Variants in SIDT2 observed in about 807,000 individuals in gnomAD.
SIDT2 encodes the protein SID1 transmembrane family member 2, also known as SID1 transmembrane family, member 2.
SIDT2 carries 68 observed loss-of-function variants against 114.4 expected under a neutral mutation model. That is an observed-to-expected ratio of 0.59 (90% CI 0.49 to 0.73). SIDT2 has a LOEUF of 0.73. Among genes scored for constraint, SIDT2 ranks in the 30% least tolerant of loss-of-function variants. SIDT2 has a pLI of 0.00. For missense variants in SIDT2, 918 were observed against 1,097.1 expected, an observed-to-expected ratio of 0.84 and a Z score of 2.31; for synonymous variants, 470 against 438.4, an observed-to-expected ratio of 1.07 and a Z score of -0.90.
At chr11:117,181,147 C>T (rs1002620556) in intron 1 of SIDT2, among the ~76,000 whole-genome samples, 2 of 152,118 alleles carry the variant, frequency 1.3e-5, no homozygotes, top group East Asian at 1.9e-4. Flanking sequence ...AGGCCTCCAC[C>T]GTGTTTCCTG....
chr11:117,189,931 C>G (rs200458477), intron 15 of SIDT2, 21 bp from the exon 16 acceptor site: 3 of 1,613,362 alleles, frequency 1.9e-6, no homozygotes, highest in African/African-American at 2.7e-5. Context: ...GACCCACTCC[C>G]TGTCCCTGCT....
intron 8 of SIDT2, chr11:117,185,896 G>GAGAAT: frequency 3.2e-5 from 8 of 246,252 alleles, no homozygotes; most frequent in East Asian, 1.8e-4. Context: ...AAAAAAAAAA[G>GAGAAT]TAGAAGAGAA....
intron 8 of SIDT2, among the ~76,000 whole-genome samples, 170 bp downstream of exon 8, chr11:117,184,309 G>C (rs1405388291): frequency 6.6e-6 from 1 of 152,156 alleles, no homozygotes; most frequent in Non-Finnish European, 1.5e-5. Context: ...GCCGGGAGGT[G>C]AGTTCCAGTG....
Position 117,193,190 on chromosome 11 carries a change from G to A in SIDT2, c.2143G>A (p.Ala715Thr), listed in dbSNP as rs138225019. Residue 715 changes from alanine to threonine, a missense_variant, in exon 23 of 26, where the codon GCT becomes ACT. Physicochemically the swap from Ala to Thr is moderately conservative, Grantham distance 58 (BLOSUM62 0). Coordinates refer to ENST00000324225, the MANE Select transcript of SIDT2 (RefSeq NM_001040455.2). ...YGLIMRPNDF[A>T]SYLLAIGICN... ...GCTTATCATGCGCCCCAATGATTTC[G>A]CTTCCTACTTGTTGGCCATTGGCAT... 3.1e-6 allele frequency: 5 copies of A among 1,613,982 alleles called. No homozygotes were observed. The highest frequency in any genetic ancestry group is 4.2e-6 in the Non-Finnish European group (5 of 1,180,000).
chr11:117,186,695 T>G (rs2134252924), intron 10 of SIDT2, 59 bp downstream of exon 10: 1 of 1,275,532 alleles, frequency 7.8e-7, no homozygotes, highest in Non-Finnish European at 1.0e-6. Context: ...TGGGGGGTGG[T>G]GGTGGATGGT....
intron 6 of SIDT2, among the ~76,000 whole-genome samples, chr11:117,183,389 A>T (rs1400596786): frequency 2.0e-5 from 3 of 147,044 alleles, no homozygotes; most frequent in African/African-American, 7.6e-5. Context: ...CTGTAATCCC[A>T]CACTTCGGGA....
At chr11:117,186,662 C>G in intron 10 of SIDT2, 26 bp downstream of exon 10, 5 of 1,397,002 alleles carry the variant, frequency 3.6e-6, no homozygotes, top group South Asian at 1.3e-5. Flanking sequence ...CTGGGTGGGG[C>G]GGGCACAGTG....
rs1364750414 is a variant in SIDT2, at chr11:117,193,895, A to G, written c.2254A>G (p.Ile752Val). Residue 752 changes from isoleucine (I) to valine (V), a missense_variant, in exon 24 of 26, where the codon ATC (isoleucine) becomes GTC (valine). Around this residue, in one of 4 missense-constraint regions of SIDT2, gnomAD observed 275 missense variants for 397.6 expected, o/e 0.69. Transcript: ENST00000324225. Reference protein sequence around the residue: ...ERIKLIPLLCIVCTSVVWGFA... With the variant: ...ERIKLIPLLCVVCTSVVWGFA... ...GATCAAGCTCATCCCCCTGCTCTGC[A>G]TCGTTTGCACCTCCGTGGTCTGGGG... The G allele has an allele frequency of 6.2e-7, 1 of 1,614,122 alleles. No individual in the cohort carries two copies. The highest frequency in any genetic ancestry group is 1.1e-5 in the South Asian group (1 of 91,088).
chr11:117,195,119 T>TGGGTAATG (rs945115308), intron 24 of SIDT2, among the ~76,000 whole-genome samples: 1 of 64,554 alleles, frequency 1.5e-5, no homozygotes, highest in Non-Finnish European at 4.3e-5. Flanking sequence ...AAAAAAGTCT[T>TGGGTAATG]GGGTAATGGA....
At chr11:117,193,104 TC>T in intron 22 of SIDT2, 48 bp from the exon 23 acceptor site, 1 of 1,583,066 alleles carries the variant, frequency 6.3e-7, no homozygotes, top group Non-Finnish European at 8.7e-7. Flanking sequence ...GAAGAGCACT[TC>T]CTTGCCCTTG....
In SIDT2 at chr11:117,192,147, C is replaced by T. The variant is rs1380157359; in HGVS notation, c.1873-107C>T. ...CCTTCCCTGAGATGCCTTCCTGGGC[C>T]CCTCTCAGAGTCCCAGCCTGGCTGA... On this transcript the variant is annotated intron_variant, in intron 19 of 25. Coordinates refer to ENST00000324225, the MANE Select transcript of SIDT2 (RefSeq NM_001040455.2). This position sits in a 1 kb window ranked among gnomAD's most constrained non-coding sequence, Gnocchi z 5.9. The T allele has an allele frequency of 6.6e-6, 10 of 1,521,192 alleles. No individual in the cohort carries two copies. The highest frequency in any genetic ancestry group is 1.7e-4 in the Middle Eastern group (1 of 5,822). 94.2% of individuals were successfully genotyped at this position (1,521,192 alleles called of 1,614,324 possible).
At chr11:117,193,614 G>A (rs183321527) in intron 23 of SIDT2, among the ~76,000 whole-genome samples, 7 of 152,280 alleles carry the variant, frequency 4.6e-5, no homozygotes, top group East Asian at 1.9e-4. Context: ...CATAGGGAGC[G>A]CCTTGAGGCC....
chr11:117,190,578 C>A lies in SIDT2; in HGVS notation c.1618-45C>A. The A allele has an allele frequency of 6.7e-7, 1 of 1,485,926 alleles. No individual in the cohort carries two copies. The highest frequency in any genetic ancestry group is 9.2e-7 in the Non-Finnish European group (1 of 1,087,084). 92.0% of individuals were successfully genotyped at this position (1,485,926 alleles called of 1,614,324 possible). ...CTCTTTTGGGTCCCTTCTTCCCTTC[C>A]TGCCTCACTTCCTCCCTCCCTTCCC... On this transcript the variant is annotated intron_variant, in intron 17 of 25. Transcript: ENST00000324225. This position sits in a 1 kb window ranked among gnomAD's most constrained non-coding sequence, Gnocchi z 4.1.
chr11:117,185,297 C>A (rs1269301553), intron 8 of SIDT2, among the ~76,000 whole-genome samples: 2 of 152,070 alleles, frequency 1.3e-5, no homozygotes, highest in Non-Finnish European at 2.9e-5. Context: ...GATCCACCTG[C>A]CCCGGCTCCC....
At chr11:117,182,130 G>A (rs34920574) in intron 4 of SIDT2, 25 bp downstream of exon 4, 24 of 1,612,954 alleles carry the variant, frequency 1.5e-5, no homozygotes, top group African/African-American at 1.3e-4. Context: ...TTGATTGCTC[G>A]AGAGGAGAAA....
At chr11:117,187,524 A>G in intron 11 of SIDT2, 75 bp downstream of exon 11, 1 of 1,591,696 alleles carries the variant, frequency 6.3e-7, no homozygotes, top group Non-Finnish European at 8.6e-7. Context: ...CCGAGGCGGT[A>G]AAGTGGGAGC....
intron 4 of SIDT2, 121 bp downstream of exon 4, chr11:117,182,226 C>T (rs919250034): frequency 1.7e-6 from 2 of 1,148,132 alleles, no homozygotes; most frequent in Non-Finnish European, 2.5e-6. Context: ...GGAGGGCTCT[C>T]TGGAAACAGG....
intron 8 of SIDT2, chr11:117,185,895 A>T (rs1211539425): frequency 2.9e-6 from 1 of 339,364 alleles, no homozygotes; most frequent in East Asian, 5.3e-5. Flanking sequence ...AAAAAAAAAA[A>T]GTAGAAGAGA....
Position 117,179,134 on chromosome 11 carries a change from G to C in SIDT2, c.-130G>C. The C allele has an allele frequency of 1.2e-6, 1 of 851,216 alleles. No homozygotes were observed. Among genetic ancestry groups the C allele is most frequent in the Non-Finnish European group, 1.8e-6 (1 of 561,790 alleles). 52.7% of individuals were successfully genotyped at this position (851,216 alleles called of 1,614,324 possible). A position where few individuals can be genotyped will look rare whatever the true frequency, so the allele number is the denominator to read the frequency against. ...AGGGGACATTTCCTAATCTCAGGCC[G>C]GGGTTAAAGTTCTGGTCCTGGTGAG... On this transcript the variant is annotated 5_prime_UTR_variant, in exon 1 of 26. Transcript: ENST00000324225.
Sources: gnomAD v4.1 joint callset for allele counts (sites outside exome capture counted in the v4.1 genomes callset) on GRCh38, gnomAD v4.1.1 for gene constraint, gnomAD v4.1.1 regional missense constraint, Gnocchi (gnomAD v3.1) non-coding constraint, MANE v1.5 for transcripts, NCBI Gene and HGNC (gene_info 2026-07-23, HGNC 2026-07-21) for gene names.